EGFLAM: variants seen among roughly 807,000 people sequenced by gnomAD.
The protein encoded by EGFLAM is pikachurin.
In EGFLAM, 79 loss-of-function variants were observed where a neutral mutation model predicts 113.1. That is an observed-to-expected ratio of 0.70 (90% CI 0.58 to 0.84). EGFLAM has a LOEUF of 0.84. EGFLAM is among the 40% of genes least tolerant of loss of function. The pLI, the probability that EGFLAM is intolerant of heterozygous loss-of-function variation, is 0.00. For missense variants in EGFLAM, 1,265 were observed against 1,291.6 expected (o/e 0.98, Z 0.32); for synonymous variants, 504 against 487.6 (o/e 1.03, Z -0.44).
chr5:38,307,239 G>T (rs1478892727), intron 1 of EGFLAM, among the ~76,000 whole-genome samples: 2 of 152,176 alleles, frequency 1.3e-5, no homozygotes, highest in African/African-American at 4.8e-5. Flanking sequence ...TCTATCTGTT[G>T]CACCTGGTAT....
At chr5:38,313,437 T>G (rs983747578) in intron 1 of EGFLAM, among the ~76,000 whole-genome samples, 14 of 152,224 alleles carry the variant, frequency 9.2e-5, no homozygotes, top group African/African-American at 3.4e-4. Flanking sequence ...GTTTTAAATT[T>G]TAAGTATTAC....
intron 1 of EGFLAM, among the ~76,000 whole-genome samples, chr5:38,309,152 A>G (rs1157836320): frequency 6.6e-6 from 1 of 152,222 alleles, no homozygotes; most frequent in Non-Finnish European, 1.5e-5. Context: ...TGTTGTCTGT[A>G]TTCTTGAAGT....
intron 16 of EGFLAM, among the ~76,000 whole-genome samples, chr5:38,437,414 T>C (rs991379762): frequency 2.0e-5 from 3 of 152,056 alleles, no homozygotes; most frequent in African/African-American, 7.2e-5. Flanking sequence ...CTAGGAAGTG[T>C]CTCTGGATTC....
At chr5:38,300,784 G>T (rs1197196207) in intron 1 of EGFLAM, among the ~76,000 whole-genome samples, 1 of 152,202 alleles carries the variant, frequency 6.6e-6, no homozygotes, top group Non-Finnish European at 1.5e-5. Context: ...GAAGATGGTG[G>T]CTTAGTTCAG....
At chr5:38,372,592 T>G (rs1333657014) in intron 6 of EGFLAM, among the ~76,000 whole-genome samples, 2 of 152,234 alleles carry the variant, frequency 1.3e-5, no homozygotes, top group African/African-American at 4.8e-5. Flanking sequence ...ATCTGTGAGA[T>G]TTTATTATAA....
rs369223559 is a variant in EGFLAM at position 38,277,215 on chromosome 5, G to A, written c.97+18364G>A. Among the ~76,000 whole-genome samples the A allele has an allele frequency of 1.2e-4, 18 of 152,164 alleles. 1 individual carries two copies. Among genetic ancestry groups the A allele is most frequent in the Non-Finnish European group, 1.8e-4 (12 of 67,962 alleles). Reference sequence around the variant, plus strand: ...ACAGTGTATTAAAAAATCATTCACCGTGATCATGTAGGATTCATCCCTGGG... The same window carrying A: ...ACAGTGTATTAAAAAATCATTCACCATGATCATGTAGGATTCATCCCTGGG... On this transcript the variant is annotated intron_variant, in intron 1 of 21. Coordinates refer to ENST00000322350, the MANE Select transcript of EGFLAM (RefSeq NM_152403.4).
intron 1 of EGFLAM, among the ~76,000 whole-genome samples, chr5:38,263,574 C>T (rs779491610): frequency 5.9e-5 from 9 of 152,120 alleles, no homozygotes; most frequent in Admixed American, 5.9e-4. Context: ...TTGTAAATCT[C>T]GGCTTCTAGT....
chr5:38,286,582 C>T (rs1465733409), intron 1 of EGFLAM, among the ~76,000 whole-genome samples: 1 of 152,104 alleles, frequency 6.6e-6, no homozygotes, highest in Non-Finnish European at 1.5e-5. Flanking sequence ...GACTTCCTGC[C>T]AGGAATGAGG....
intron 5 of EGFLAM, among the ~76,000 whole-genome samples, chr5:38,366,339 C>T (rs1740059648): frequency 6.6e-6 from 1 of 152,172 alleles, no homozygotes; most frequent in South Asian, 2.1e-4. Flanking sequence ...TCCTACTGGT[C>T]CTTAGAGGTG....
At chr5:38,281,096 A>G (rs1304459716) in intron 1 of EGFLAM, among the ~76,000 whole-genome samples, 1 of 152,192 alleles carries the variant, frequency 6.6e-6, no homozygotes, top group Non-Finnish European at 1.5e-5. Context: ...ACTCAATAGA[A>G]GTTCTATGAA....
At chr5:38,371,464 G>A (rs1304729413) in intron 6 of EGFLAM, among the ~76,000 whole-genome samples, 3 of 152,070 alleles carry the variant, frequency 2.0e-5, no homozygotes, top group Non-Finnish European at 4.4e-5. Flanking sequence ...CTGTGTTCAG[G>A]GGTAGAGATT....
intron 5 of EGFLAM, among the ~76,000 whole-genome samples, chr5:38,356,544 C>T (rs1368067090): frequency 6.6e-6 from 1 of 152,180 alleles, no homozygotes; most frequent in Non-Finnish European, 1.5e-5. Flanking sequence ...CCGAATTCTC[C>T]TGACTTCCGG....
rs2589798 is a variant in EGFLAM, at chr5:38,283,435, C to T, written c.97+24584C>T. 6.0e-3 allele frequency among the ~76,000 whole-genome samples: 914 copies of T among 152,266 alleles called. 14 individuals are homozygous for T. The highest frequency in any genetic ancestry group is 0.021 in the African/African-American group (852 of 41,552). Reference sequence around the variant, plus strand: ...ATCCACGTTTACATATAAAGGCATGCATTGTGCCTTTACATAATAATAATG... The same window carrying T: ...ATCCACGTTTACATATAAAGGCATGTATTGTGCCTTTACATAATAATAATG... On this transcript the variant is annotated intron_variant, in intron 1 of 21. Coordinates refer to ENST00000322350, the MANE Select transcript of EGFLAM (RefSeq NM_152403.4).
intron 12 of EGFLAM, among the ~76,000 whole-genome samples, chr5:38,419,801 G>A (rs1343057963): frequency 6.6e-6 from 1 of 152,132 alleles, no homozygotes; most frequent in African/African-American, 2.4e-5. Context: ...GCTGAGGCAG[G>A]CAGATCACGT....
At chr5:38,341,450 T>C (rs1739334733) in intron 3 of EGFLAM, among the ~76,000 whole-genome samples, 1 of 152,204 alleles carries the variant, frequency 6.6e-6, no homozygotes, top group Admixed American at 6.5e-5. Context: ...ACCACTTCCA[T>C]GATTCAATTA....
chr5:38,410,503 G>A (rs1169364123), intron 10 of EGFLAM, among the ~76,000 whole-genome samples: 2 of 152,176 alleles, frequency 1.3e-5, no homozygotes, highest in African/African-American at 4.8e-5. Flanking sequence ...GACAAAGGGA[G>A]GGCCTGAGAA....
Position 38,407,050 on chromosome 5 carries a change from C to T in EGFLAM, c.1051C>T (p.Leu351Phe). 2 of 1,614,194 alleles carry T rather than the reference C, an allele frequency of 1.2e-6. No individual in the cohort carries two copies. The highest frequency in any genetic ancestry group is 1.7e-6 in the Non-Finnish European group (2 of 1,180,034). ...CTTTGACATGCCTTGTGATGAAACT[C>T]TCTGCTCTGCTGACAGCTTCTGTGT... ...RLFDMPCDETLCSADSFCVND... is the reference protein window; with the variant it reads ...RLFDMPCDETFCSADSFCVND... Residue 351 changes from leucine to phenylalanine, a missense_variant, in exon 8 of 22, where the codon CTC (leucine) becomes TTC (phenylalanine). Physicochemically the swap from Leu to Phe is conservative, Grantham distance 22. Coordinates refer to ENST00000322350, the MANE Select transcript of EGFLAM (RefSeq NM_152403.4).
At position 38,406,382 on chromosome 5, in the gene EGFLAM, T is replaced by C. The variant is rs181815237; in HGVS notation, c.828+141T>C. The C allele has an allele frequency of 1.1e-5, 8 of 729,306 alleles. No homozygotes were observed. In the East Asian group the frequency reaches 1.9e-4, roughly 17 times the overall value. 45.2% of individuals were successfully genotyped at this position (729,306 alleles called of 1,614,324 possible). A position where few individuals can be genotyped will look rare whatever the true frequency, so the allele number is the denominator to read the frequency against. On this transcript the variant is annotated intron_variant, in intron 7 of 21. Coordinates refer to ENST00000322350, the MANE Select transcript of EGFLAM (RefSeq NM_152403.4). ...TTTAACACTGATTTGTTTTGTCTGA[T>C]GATCAGTCTCCAGGTGCTGATAAAT...
At chr5:38,329,578 G>A (rs1738987462) in intron 1 of EGFLAM, among the ~76,000 whole-genome samples, 1 of 152,004 alleles carries the variant, frequency 6.6e-6, no homozygotes, top group Admixed American at 6.5e-5. Flanking sequence ...GGAGTCACCT[G>A]ATTTCCACTT....
Sources: gnomAD v4.1 joint callset for allele counts (sites outside exome capture counted in the v4.1 genomes callset) on GRCh38, gnomAD v4.1.1 for gene constraint, MANE v1.5 for transcripts, NCBI Gene and HGNC (gene_info 2026-07-23, HGNC 2026-07-21) for gene names.